NLRP9: variants seen among roughly 807,000 people sequenced by gnomAD.
NLRP9 encodes NACHT, LRR and PYD domains-containing protein 9.
NLRP9 carries 88 observed loss-of-function variants against 83.1 expected under a neutral mutation model. The observed-to-expected ratio is 1.06, with a 90% CI of 0.89 to 1.26. The LOEUF (loss-of-function observed/expected upper bound fraction) is 1.26, where lower values mean the gene tolerates loss of function less well. NLRP9 is among the 50% of genes most tolerant of loss of function. NLRP9 has a pLI of 0.00. For synonymous variants in NLRP9, 521 were observed against 447.6 expected (o/e 1.16, Z -2.07); for missense variants, 1,308 against 1,179.3 (o/e 1.11, Z -1.60).
intron 7 of NLRP9, 149 bp from the exon 8 acceptor site, chr19:55,712,119 G>A (rs1160471740): frequency 2.5e-6 from 2 of 800,854 alleles, no homozygotes; most frequent in Non-Finnish European, 4.0e-6. Context: ...TGCTCCTGGG[G>A]GACGTATGTC....
intron 1 of NLRP9, among the ~76,000 whole-genome samples, chr19:55,733,919 A>AATTTTTTTTTTTTTTTTTTTTTTTTT (rs1555796186): frequency 1.7e-5 from 2 of 117,872 alleles, no homozygotes; most frequent in African/African-American, 7.2e-5. Flanking sequence ...TGTCAACCAA[A>AATTTTTTTTTTTTTTTTTTTTTTTTT]TTTTTTTTTT....
intron 1 of NLRP9, among the ~76,000 whole-genome samples, chr19:55,736,181 G>C (rs1988779506): frequency 6.6e-6 from 1 of 151,684 alleles, no homozygotes; most frequent in South Asian, 2.1e-4. Flanking sequence ...CATGAGGTCA[G>C]GAGATCGAGA....
rs1383718439 is a variant in NLRP9 at position 55,723,979 on chromosome 19, C to A, written c.2159+1G>T. 6.2e-7 allele frequency: 1 copy of A among 1,609,946 alleles called. No homozygotes were observed. The highest frequency in any genetic ancestry group is 1.1e-5 in the South Asian group (1 of 90,058). ...ACTCGGCATGAACAGCCCGGACTTA[C>A]ATCAGCTCTTCTATCTTGCACATTG... On this transcript the variant is annotated splice_donor_variant, in intron 4 of 8. Coordinates refer to ENST00000332836, the MANE Select transcript of NLRP9 (RefSeq NM_176820.4). LOFTEE classifies it high-confidence loss of function.
chr19:55,726,807 A>G (rs1988416943), intron 3 of NLRP9, among the ~76,000 whole-genome samples: 2 of 152,164 alleles, frequency 1.3e-5, no homozygotes, highest in Non-Finnish European at 2.9e-5. Context: ...CTGATTCTCC[A>G]TCGTCTCAGC....
intron 4 of NLRP9, among the ~76,000 whole-genome samples, chr19:55,722,894 A>G (rs1409572836): frequency 1.3e-5 from 2 of 152,304 alleles, no homozygotes; most frequent in Non-Finnish European, 2.9e-5. Context: ...AAGTAACACA[A>G]GAAGAGAAAA....
chr19:55,712,316 G>A (rs935680119), intron 7 of NLRP9, 104 bp downstream of exon 7: 6 of 958,212 alleles, frequency 6.3e-6, no homozygotes, highest in Admixed American at 2.1e-5. Flanking sequence ...GTCCCAGAGG[G>A]ACTTGCTTTT....
At position 55,716,819 on chromosome 19, in the gene NLRP9, GGT is replaced by G. The variant is rs759006195; in HGVS notation, c.2237_2238del (p.His746ProfsTer18). On this transcript the variant is annotated frameshift_variant, in exon 5 of 9. Transcript: ENST00000332836. LOFTEE classifies it high-confidence loss of function. ...CTCAAGGGATTTTCTACCAAGGAGA[GGT>G]GTTTCAGCTTGCTGTTGCAGGCCAG... ...SVLACNSKLK[H>X]LSLVENPLRD... 1.2e-6 allele frequency: 2 copies of G among 1,613,846 alleles called. No homozygotes were observed. Among genetic ancestry groups the G allele is most frequent in the South Asian group, 2.2e-5 (2 of 91,076 alleles).
rs150099368 is a variant in NLRP9 at position 55,710,594 on chromosome 19, C to T, written c.2843+1206G>A. Among the ~76,000 whole-genome samples the T allele has an allele frequency of 3.5e-3, 529 of 152,198 alleles. 4 individuals are homozygous for T. The highest frequency in any genetic ancestry group is 0.012 in the African/African-American group (494 of 41,538). Reference sequence around the variant, plus strand: ...TGCTGTTCTCATGATAGAGTTCTCACGAGATCTGGTTGTTTAAAAGTGTGT... The same window carrying T: ...TGCTGTTCTCATGATAGAGTTCTCATGAGATCTGGTTGTTTAAAAGTGTGT... On this transcript the variant is annotated intron_variant, in intron 8 of 8. Transcript: ENST00000332836.
intron 3 of NLRP9, among the ~76,000 whole-genome samples, chr19:55,725,930 G>T (rs961485861): frequency 2.0e-5 from 3 of 152,064 alleles, no homozygotes; most frequent in African/African-American, 7.2e-5. Flanking sequence ...GGAGGCTGAG[G>T]CAGGAGAATT....
rs1391253454 is a variant in NLRP9 at position 55,716,919 on chromosome 19, A to G, written c.2160-21T>C. ...CCAGTCTACATGTGAAACACACACCATGAGACGGACCAAAGCTTTCAATCG... is the reference window on the plus strand; with the variant it reads ...CCAGTCTACATGTGAAACACACACCGTGAGACGGACCAAAGCTTTCAATCG... On this transcript the variant is annotated intron_variant, in intron 4 of 8. Coordinates refer to ENST00000332836, the MANE Select transcript of NLRP9 (RefSeq NM_176820.4). 2.5e-6 allele frequency: 4 copies of G among 1,605,958 alleles called. No homozygotes were observed. In the Admixed American group the frequency reaches 6.7e-5, roughly 27 times the overall value.
At position 55,715,157 on chromosome 19, in the gene NLRP9, G is replaced by A; in HGVS notation, c.2399C>T (p.Ser800Phe). The change falls in exon 6 of 9, where the codon TCC becomes TTC. Residue 800 changes from serine to phenylalanine, a missense_variant. Physicochemically the swap from Ser to Phe is radical, Grantham distance 155. Coordinates refer to ENST00000332836, the MANE Select transcript of NLRP9 (RefSeq NM_176820.4). ...SISEVLLCSK[S>F]LSLLDLGSNA... ...TGAGCCCAGATCGAGGAGGGACAGG[G>A]ACTTACTGCACAAGAGGACTTCGGA... is the stretch of plus-strand genomic sequence containing the variant. 2 of 1,613,374 alleles carry A rather than the reference G, an allele frequency of 1.2e-6. No individual in the cohort carries two copies. The highest frequency in any genetic ancestry group is 1.7e-6 in the Non-Finnish European group (2 of 1,179,860).
In NLRP9 at chr19:55,712,422, G is replaced by C. The variant is rs146098794; in HGVS notation, c.2670C>G (p.Leu890=). ...GATGGTGATCAGTAGATACTCACCCGAGACACTCTAATTTACAGTGAGGAT... is the reference window on the plus strand; with the variant it reads ...GATGGTGATCAGTAGATACTCACCCCAGACACTCTAATTTACAGTGAGGAT... ...LQHPHCKLEC[L]GLQTCPITRA... The change falls in exon 7 of 9, where the codon CTC becomes CTG. Residue 890 remains leucine (L), a splice_region_variant and synonymous_variant. Transcript: ENST00000332836. 2.5e-6 allele frequency: 4 copies of C among 1,611,240 alleles called. No homozygotes were observed. In the African/African-American group the frequency reaches 4.0e-5, roughly 16 times the overall value.
At position 55,732,898 on chromosome 19, in the gene NLRP9, A is replaced by G. The variant is rs745428335; in HGVS notation, c.933T>C (p.Phe311=). 1.9e-6 allele frequency: 3 copies of G among 1,613,910 alleles called. No individual in the cohort carries two copies. In the Admixed American group the frequency reaches 5.0e-5, roughly 27 times the overall value. Reference sequence around the variant, plus strand: ...CTTTCAGGGCTTTGCTCTTCTCACCAAAGAAGTAGGAGAAATACGACTTCT... The same window carrying G: ...CTTTCAGGGCTTTGCTCTTCTCACCGAAGAAGTAGGAGAAATACGACTTCT... ...SEKKSYFSYF[F]GEKSKALKVF... Residue 311 remains phenylalanine (F), a synonymous_variant, in exon 2 of 9, where the codon TTT becomes TTC. Transcript: ENST00000332836.
At chr19:55,716,983 A>T in intron 4 of NLRP9, 85 bp from the exon 5 acceptor site, 2 of 986,140 alleles carry the variant, frequency 2.0e-6, no homozygotes, top group South Asian at 1.4e-5. Flanking sequence ...GACACCTCTG[A>T]TTCTAGTCTT....
In NLRP9 at chr19:55,733,008, A is replaced by G. The variant is rs1988639107; in HGVS notation, c.823T>C (p.Leu275=). The G allele has an allele frequency of 1.2e-6, 2 of 1,614,084 alleles. No homozygotes were observed. ...MLPESSLLIA[L]GKLAMQKHYF... is the part of the protein sequence containing the mutation. The stretch of plus-strand genomic sequence containing the variant: ...TGTTTTTGCATAGCCAGTTTTCCTA[A>G]TGCAATAAGGAGAGAGGATTCTGGA... The change falls in exon 2 of 9, where the codon TTA becomes CTA. Residue 275 remains leucine, a synonymous_variant. Transcript: ENST00000332836.
intron 3 of NLRP9, among the ~76,000 whole-genome samples, chr19:55,727,480 A>T (rs1011472795): frequency 6.6e-6 from 1 of 152,186 alleles, no homozygotes; most frequent in Non-Finnish European, 1.5e-5. Context: ...AACAAAAATC[A>T]ATGACAAATG....
intron 3 of NLRP9, among the ~76,000 whole-genome samples, chr19:55,726,181 T>G (rs1028998602): frequency 6.6e-6 from 1 of 151,928 alleles, no homozygotes; most frequent in Non-Finnish European, 1.5e-5. Flanking sequence ...GCAGCTGCAG[T>G]GAATGCCAAC....
At chr19:55,718,694 A>G (rs1372871882) in intron 4 of NLRP9, among the ~76,000 whole-genome samples, 1 of 152,228 alleles carries the variant, frequency 6.6e-6, no homozygotes, top group African/African-American at 2.4e-5. Context: ...CAAGATAGTA[A>G]AAATAGTGAT....
chr19:55,732,410 G>C lies in NLRP9; in HGVS notation c.1421C>G (p.Thr474Ser). 1 of 1,614,206 alleles carries C rather than the reference G, an allele frequency of 6.2e-7. No homozygotes were observed. Among genetic ancestry groups the C allele is most frequent in the Non-Finnish European group, 8.5e-7 (1 of 1,180,040 alleles). ...DDPNPAIGSI[T>S]QLVRASVVQP... ...AACCACACTTGCTCTTACAAGCTGG[G>C]TTATGCTTCCAATGGCCGGGTTAGG... Residue 474 changes from threonine to serine, a missense_variant, in exon 2 of 9, where the codon ACC becomes AGC. Transcript: ENST00000332836.
Sources: allele counts gnomAD v4.1 joint callset (sites outside exome capture counted in the v4.1 genomes callset), GRCh38; gene constraint gnomAD v4.1.1; transcripts MANE v1.5; gene names NCBI Gene and HGNC (gene_info 2026-07-23, HGNC 2026-07-21).